The following OOSP4A variants were observed in gnomAD, a reference collection of about 807,000 sequenced individuals.
The protein encoded by OOSP4A is oocyte-secreted protein 4A.
intron 2 of OOSP4A, 44 bp downstream of exon 2, chr11:59,965,757 GT>G (rs1056300061): frequency 5.0e-6 from 2 of 397,938 alleles, no homozygotes; most frequent in African/African-American, 4.1e-5. Context: ...TCTTTTGACT[GT>G]TTTGGGTCCA....
At chr11:59,969,961 G>C (rs116158560) in intron 4 of OOSP4A, 88 bp from the exon 5 acceptor site, 1 of 395,214 alleles carries the variant, frequency 2.5e-6, no homozygotes, top group Non-Finnish European at 4.5e-6. Flanking sequence ...TTTTTCCCAC[G>C]TTCCCACTTT....
chr11:59,966,641 A>G (rs555995106), intron 2 of OOSP4A, among the ~76,000 whole-genome samples: 1 of 152,104 alleles, frequency 6.6e-6, no homozygotes, highest in African/African-American at 2.4e-5. Context: ...ACACCTAACT[A>G]ATTTTTGTAT....
At chr11:59,967,517 C>A (rs1854112857) in intron 3 of OOSP4A, among the ~76,000 whole-genome samples, 1 of 152,066 alleles carries the variant, frequency 6.6e-6, no homozygotes, top group Non-Finnish European at 1.5e-5. Flanking sequence ...AGTTTTTGTG[C>A]AAACCATACC....
At chr11:59,967,287 G>C in intron 3 of OOSP4A, 123 bp downstream of exon 3, 2 of 392,546 alleles carry the variant, frequency 5.1e-6, no homozygotes, top group Admixed American at 8.8e-5. Context: ...TCTGATCTAT[G>C]GTGTTCTGTT....
intron 2 of OOSP4A, among the ~76,000 whole-genome samples, chr11:59,965,977 T>G (rs36014902): frequency 0.019 from 2,858 of 152,218 alleles, 79 homozygotes; most frequent in African/African-American, 0.062. Flanking sequence ...TAGTGTTTTT[T>G]TTGTTGTTGT....
At chr11:59,969,595 G>A (rs542620637) in intron 4 of OOSP4A, among the ~76,000 whole-genome samples, 11 of 152,152 alleles carry the variant, frequency 7.2e-5, no homozygotes, top group Admixed American at 1.3e-4. Context: ...ATGGATTCCC[G>A]TAAAGATAGT....
intron 1 of OOSP4A, 91 bp downstream of exon 1, chr11:59,964,190 G>A (rs564674729): frequency 5.2e-6 from 2 of 386,110 alleles, no homozygotes; most frequent in East Asian, 3.6e-5. Context: ...GACTTTGGGA[G>A]TTTGTTTTTT....
chr11:59,969,826 C>G (rs945653739), intron 4 of OOSP4A, among the ~76,000 whole-genome samples: 2 of 152,080 alleles, frequency 1.3e-5, no homozygotes, highest in Non-Finnish European at 2.9e-5. Flanking sequence ...ATTTACTAAG[C>G]ATTTGTTAAC....
At position 59,967,666 on chromosome 11, in the gene OOSP4A, AT is replaced by A. The variant is rs539131475; in HGVS notation, c.344+510del. Among the ~76,000 whole-genome samples the A allele has an allele frequency of 1.5e-3, 224 of 151,066 alleles. No homozygotes were observed. In the South Asian group the frequency reaches 0.016, roughly 11 times the overall value. Reference sequence around the variant, plus strand: ...TTTTTGTATTTTATATATATATCTAATTTTTTTTATATATATAAAATCAAGA... The same window carrying A: ...TTTTTGTATTTTATATATATATCTAATTTTTTTATATATATAAAATCAAGA... On this transcript the variant is annotated intron_variant, in intron 3 of 4. Transcript: ENST00000645590.
At chr11:59,968,393 G>A (rs1451048691) in intron 3 of OOSP4A, among the ~76,000 whole-genome samples, 2 of 152,098 alleles carry the variant, frequency 1.3e-5, no homozygotes, top group African/African-American at 4.8e-5. Flanking sequence ...TTACTTCTTC[G>A]TCCATACAAC....
chr11:59,968,213 C>G (rs1479459124), intron 3 of OOSP4A, among the ~76,000 whole-genome samples: 1 of 152,176 alleles, frequency 6.6e-6, no homozygotes, highest in Non-Finnish European at 1.5e-5. Flanking sequence ...ACAATTATCT[C>G]ATGGTTACAT....
chr11:59,964,108 AAG>A lies in OOSP4A; in HGVS notation c.67+12_67+13del, dbSNP rs1186455609. The A allele has an allele frequency of 3.8e-5, 15 of 397,156 alleles. No homozygotes were observed. Among genetic ancestry groups the A allele is most frequent in the Non-Finnish European group, 4.4e-5 (10 of 225,806 alleles). 24.6% of individuals were successfully genotyped at this position (397,156 alleles called of 1,614,324 possible). A position where few individuals can be genotyped will look rare whatever the true frequency, so the allele number is the denominator to read the frequency against. On this transcript the variant is annotated intron_variant, in intron 1 of 4. Coordinates refer to ENST00000645590, the Ensembl canonical transcript of OOSP4A. ...TCATGGTCTCCAAGATTGTAAGAAA[AAG>A]AGGGAATTTTTGGAGGTGGCAATTT... is the stretch of plus-strand genomic sequence containing the variant.
In OOSP4A at chr11:59,965,698, T is replaced by A. The variant is rs1590563479; in HGVS notation, c.231T>A (p.Cys77Ter). The A allele has an allele frequency of 7.5e-6, 3 of 398,496 alleles. No homozygotes were observed. The East Asian group carries it at 1.1e-4, about 14-fold the overall frequency. The allele number at this position is 398,496 out of a possible 1,614,324, so 24.7% of individuals were successfully genotyped here. Residue 77 changes from cysteine to a stop codon, truncating the protein, a stop_gained, in exon 2 of 5, where the codon TGT (cysteine) becomes TGA (stop). Transcript: ENST00000645590. LOFTEE classifies it high-confidence loss of function. ...GGTTCCTGTATCTTCTAACTTTTTG[T>A]GGCATCAGAGTGAGCGTAAGAGCAG...
intron 2 of OOSP4A, 40 bp downstream of exon 2, chr11:59,965,753 G>C (rs1368795572): frequency 2.5e-6 from 1 of 397,904 alleles, no homozygotes; most frequent in African/African-American, 2.1e-5. Context: ...TATATCTTTT[G>C]ACTGTTTTGG....
intron 2 of OOSP4A, among the ~76,000 whole-genome samples, 175 bp downstream of exon 2, chr11:59,965,888 A>G (rs747907987): frequency 3.3e-5 from 5 of 152,236 alleles, no homozygotes; most frequent in African/African-American, 7.2e-5. Context: ...TAGGAAAGAC[A>G]AATAGGATTT....
intron 3 of OOSP4A, among the ~76,000 whole-genome samples, chr11:59,968,564 A>G (rs1328621049): frequency 6.6e-6 from 1 of 152,178 alleles, no homozygotes; most frequent in East Asian, 1.9e-4. Flanking sequence ...GAAATTACTT[A>G]GTCATACTAC....
exon 3 of OOSP4A, chr11:59,967,070 C>T: frequency 2.5e-6 from 1 of 398,060 alleles, no homozygotes; most frequent in Admixed American, 4.4e-5. Context: ...CCTTTAGGAA[C>T]ATGGAGTAGG....
intron 2 of OOSP4A, 59 bp downstream of exon 2, chr11:59,965,772 A>G (rs1590563526): frequency 2.5e-6 from 1 of 397,802 alleles, no homozygotes; most frequent in East Asian, 3.6e-5. Context: ...GGGTCCACAA[A>G]CCAATGACTA....
At chr11:59,969,209 G>C (rs1368045039) in exon 4 of OOSP4A, 1 of 398,728 alleles carries the variant, frequency 2.5e-6, no homozygotes, top group Non-Finnish European at 4.4e-6. Flanking sequence ...CGTGAATGCA[G>C]AAGGTCAGTG....
Sources: allele counts gnomAD v4.1 joint callset (sites outside exome capture counted in the v4.1 genomes callset), GRCh38; gene constraint gnomAD v4.1.1; transcripts MANE v1.5; gene names NCBI Gene and HGNC (gene_info 2026-07-23, HGNC 2026-07-21).